NTM: variants seen among roughly 807,000 people sequenced by gnomAD.
NTM encodes IgLON family member 2.
NTM carries 13 observed loss-of-function variants against 42.1 expected under a neutral mutation model. That is an observed-to-expected ratio of 0.31 (90% CI 0.20 to 0.49). The LOEUF is 0.49. NTM is among the 20% of genes least tolerant of loss of function. The probability of loss-of-function intolerance (pLI) is 0.99; values close to 1 mark genes in which losing one functional copy is unlikely to be tolerated. For missense variants in NTM, 373 were observed against 452.8 expected, an observed-to-expected ratio of 0.82 and a Z score of 1.60; for synonymous variants, 187 against 179.2, an observed-to-expected ratio of 1.04 and a Z score of -0.35.
chr11:132,079,965 A>G (rs1325729125), intron 2 of NTM, among the ~76,000 whole-genome samples: 1 of 152,194 alleles, frequency 6.6e-6, no homozygotes, highest in Admixed American at 6.5e-5. Flanking sequence ...TCGAAATATG[A>G]CATTTTCTCA....
intron 4 of NTM, among the ~76,000 whole-genome samples, chr11:132,231,219 C>G (rs140433701): frequency 1.3e-5 from 2 of 152,286 alleles, no homozygotes; most frequent in African/African-American, 4.8e-5. Flanking sequence ...AAGACCTTTT[C>G]ACAATACTCC....
At chr11:131,793,541 T>C (rs2091206876) in intron 1 of NTM, among the ~76,000 whole-genome samples, 1 of 152,214 alleles carries the variant, frequency 6.6e-6, no homozygotes, top group African/African-American at 2.4e-5. Flanking sequence ...TGTTAAACAA[T>C]TTCTCAAAGC....
At chr11:131,615,709 T>C (rs568403597) in intron 1 of NTM, among the ~76,000 whole-genome samples, 1 of 152,330 alleles carries the variant, frequency 6.6e-6, no homozygotes, top group South Asian at 2.1e-4. Context: ...TGTTGTGTTA[T>C]GGGATGTTCA....
At chr11:131,759,424 G>A (rs1467008115) in intron 1 of NTM, among the ~76,000 whole-genome samples, 1 of 152,214 alleles carries the variant, frequency 6.6e-6, no homozygotes, top group Non-Finnish European at 1.5e-5. Flanking sequence ...GCTTTGCAGA[G>A]CTTATTCAAA....
At chr11:131,601,424 C>T (rs2060476716) in intron 1 of NTM, among the ~76,000 whole-genome samples, 1 of 152,154 alleles carries the variant, frequency 6.6e-6, no homozygotes, top group African/African-American at 2.4e-5. Context: ...AAAAATAGAG[C>T]AATTTACATC....
Position 132,317,770 on chromosome 11 carries a change from G to A in NTM, c.934+3067G>A, listed in dbSNP as rs77398609. 2.6e-4 allele frequency: 209 copies of A among 804,122 alleles called. No homozygotes were observed. The East Asian group carries it at 3.9e-3, about 15-fold the overall frequency. 49.8% of individuals were successfully genotyped at this position (804,122 alleles called of 1,614,324 possible). On this transcript the variant is annotated intron_variant, in intron 7 of 8. Transcript: ENST00000683400. ...CCCCTTCCCCTGCTGTGCATTACCC[G>A]AAGCACTTGTCTGTAAAGTGTCTTA...
At chr11:131,756,965 T>A (rs1009236295) in intron 1 of NTM, among the ~76,000 whole-genome samples, 5 of 152,192 alleles carry the variant, frequency 3.3e-5, no homozygotes, top group African/African-American at 1.2e-4. Context: ...AATTTTATGA[T>A]TCATAAAAAC....
intron 1 of NTM, among the ~76,000 whole-genome samples, chr11:131,879,053 T>C (rs1299970486): frequency 1.3e-5 from 2 of 152,174 alleles, no homozygotes; most frequent in Non-Finnish European, 2.9e-5. Context: ...CTCTTTTTCC[T>C]TTCTGGGCCA....
chr11:132,292,580 C>T (rs2094482252), intron 4 of NTM, among the ~76,000 whole-genome samples: 1 of 151,542 alleles, frequency 6.6e-6, no homozygotes, highest in Non-Finnish European at 1.5e-5. Flanking sequence ...TTGAGACAGG[C>T]ACGTATGAGT....
At chr11:131,877,340 CTTGT>C (rs1422400916) in intron 1 of NTM, among the ~76,000 whole-genome samples, 2 of 152,148 alleles carry the variant, frequency 1.3e-5, no homozygotes, top group Admixed American at 1.3e-4. Flanking sequence ...CGCCTGGCCT[CTTGT>C]TTAAGTTGGT....
rs901449726 is a variant in NTM at position 131,630,642 on chromosome 11, T to G, written c.82+259754T>G. ...GACAAGTCAAAAGTTGAAGACTCTT[T>G]TAGAAGATCAAATCAAGATCCGATA... On this transcript the variant is annotated intron_variant, in intron 1 of 8. Coordinates refer to ENST00000683400, the MANE Select transcript of NTM (RefSeq NM_001352005.2). Among the ~76,000 whole-genome samples the G allele has an allele frequency of 3.9e-5, 6 of 152,234 alleles. No homozygotes were observed. In the East Asian group the frequency reaches 1.2e-3, roughly 29 times the overall value.
At chr11:132,192,844 G>T (rs1158874217) in intron 3 of NTM, among the ~76,000 whole-genome samples, 1 of 152,124 alleles carries the variant, frequency 6.6e-6, no homozygotes, top group Non-Finnish European at 1.5e-5. Context: ...AAGAGTAGGG[G>T]TCGCCATTCT....
chr11:131,414,858 T>G (rs1251236307), intron 1 of NTM, among the ~76,000 whole-genome samples: 2 of 152,198 alleles, frequency 1.3e-5, no homozygotes, highest in Non-Finnish European at 2.9e-5. Context: ...TGCATGTTAG[T>G]CCTTCCATTG....
chr11:132,103,634 C>G (rs2136605825), intron 2 of NTM, among the ~76,000 whole-genome samples: 1 of 152,288 alleles, frequency 6.6e-6, no homozygotes, highest in Admixed American at 6.5e-5. Context: ...CTTTCCTTTC[C>G]TGAGATTTCT....
intron 3 of NTM, among the ~76,000 whole-genome samples, chr11:132,147,237 G>GAA (rs2070731855): frequency 6.6e-6 from 1 of 150,436 alleles, no homozygotes; most frequent in Non-Finnish European, 1.5e-5. Context: ...GAGAGAGAGA[G>GAA]AGAATATGTG....
intron 1 of NTM, among the ~76,000 whole-genome samples, chr11:131,629,757 G>A (rs555299603): frequency 1.3e-5 from 2 of 152,332 alleles, no homozygotes; most frequent in African/African-American, 4.8e-5. Context: ...CACTTGGTGT[G>A]TAAGGGTAAA....
chr11:132,230,385 G>T (rs772347639), intron 4 of NTM, among the ~76,000 whole-genome samples: 19 of 152,224 alleles, frequency 1.2e-4, no homozygotes, highest in Non-Finnish European at 2.6e-4. Flanking sequence ...AAAGTGAGGT[G>T]CAGAAATGTT....
intron 3 of NTM, among the ~76,000 whole-genome samples, chr11:132,201,051 C>CAG (rs2081083785): frequency 6.6e-6 from 1 of 152,100 alleles, no homozygotes; most frequent in African/African-American, 2.4e-5. Flanking sequence ...ATCCAAGGGG[C>CAG]AGAGTTAGCT....
rs1357496882 is a variant in NTM at position 132,330,025 on chromosome 11, A to G, written c.935-128A>G. 2.6e-5 allele frequency: 37 copies of G among 1,443,756 alleles called. No individual in the cohort carries two copies. The South Asian group carries it at 4.8e-4, about 19-fold the overall frequency. 89.4% of individuals were successfully genotyped at this position (1,443,756 alleles called of 1,614,324 possible). A position where few individuals can be genotyped will look rare whatever the true frequency, so the allele number is the denominator to read the frequency against. ...GGCAGTGGTCAGGACAGCAAGGGAC[A>G]TGGGCAAGAGGCGCAGGGACGCTGC... On this transcript the variant is annotated intron_variant, in intron 7 of 8. Transcript: ENST00000683400.
Sources: gnomAD v4.1 joint callset for allele counts (sites outside exome capture counted in the v4.1 genomes callset) on GRCh38, gnomAD v4.1.1 for gene constraint, MANE v1.5 for transcripts, NCBI Gene and HGNC (gene_info 2026-07-23, HGNC 2026-07-21) for gene names.